TENM2: variants seen among roughly 807,000 people sequenced by gnomAD.
TENM2 encodes teneurin transmembrane protein 2, also known as teneurin-2.
A neutral mutation model predicts 245.2 loss-of-function variants in TENM2; 52 were observed. The ratio of observed to expected loss-of-function variants is 0.21; its 90% CI spans 0.17 to 0.27. TENM2 has a LOEUF of 0.27. Ranked by LOEUF, TENM2 falls within the 10% of genes least tolerant of loss-of-function variation. The pLI is 1.00. For synonymous variants in TENM2, 1,363 were observed against 1,438.9 expected, an observed-to-expected ratio of 0.95 and a Z score of 1.19; for missense variants, 3,046 against 3,666.8, an observed-to-expected ratio of 0.83 and a Z score of 4.37.
the TENM2 span, among the ~76,000 whole-genome samples, chr5:167,214,132 A>G: frequency 6.6e-6 from 1 of 152,222 alleles, no homozygotes; most frequent in Non-Finnish European, 1.5e-5. Context: ...GAGTTGGGCA[A>G]AGCTGTGGTT....
intron 3 of TENM2, among the ~76,000 whole-genome samples, chr5:167,932,190 T>G (rs1778343773): frequency 6.6e-6 from 1 of 152,142 alleles, no homozygotes; most frequent in African/African-American, 2.4e-5. Flanking sequence ...AATTCCATCG[T>G]GAAGGTCTCA....
the TENM2 span, among the ~76,000 whole-genome samples, chr5:167,085,908 C>T: frequency 2.0e-5 from 3 of 152,242 alleles, no homozygotes; most frequent in South Asian, 2.1e-4. Flanking sequence ...GTGCTCACGG[C>T]GATCACTACT....
rs557432541 is a variant in TENM2, at chr5:167,434,067, CCTA to C, written c.502+58599_502+58601del. 2.8e-3 allele frequency among the ~76,000 whole-genome samples: 422 copies of C among 152,088 alleles called. 1 individual carries two copies. The highest frequency in any genetic ancestry group is 9.7e-3 in the African/African-American group (402 of 41,496). ...AATAAACAGCTTACATTTCAGATAT[CCTA>C]CTACATCTTAATATAACTCTTATTA... On this transcript the variant is annotated intron_variant, in intron 2 of 28. Transcript: ENST00000518659.
At chr5:167,590,027 G>A (rs1251146790) in intron 2 of TENM2, among the ~76,000 whole-genome samples, 2 of 151,542 alleles carry the variant, frequency 1.3e-5, no homozygotes, top group Non-Finnish European at 3.0e-5. Context: ...TAATTACTTT[G>A]TTTGATTTAT....
intron 2 of TENM2, among the ~76,000 whole-genome samples, chr5:167,806,835 A>G (rs917779924): frequency 1.3e-5 from 2 of 152,048 alleles, no homozygotes; most frequent in African/African-American, 2.4e-5. Flanking sequence ...AAAGTTCCCA[A>G]AACAAAGTTC....
the TENM2 span, among the ~76,000 whole-genome samples, chr5:167,197,905 A>T: frequency 6.6e-6 from 1 of 151,980 alleles, no homozygotes; most frequent in Admixed American, 6.6e-5. Flanking sequence ...GTATATATAC[A>T]CATATAGAGA....
chr5:167,666,028 G>A (rs563507777), intron 2 of TENM2, among the ~76,000 whole-genome samples: 2 of 152,294 alleles, frequency 1.3e-5, no homozygotes, highest in Admixed American at 6.5e-5. Flanking sequence ...TAGACCAGAG[G>A]CAGAGGTATT....
chr5:167,159,841 C>T, the TENM2 span, among the ~76,000 whole-genome samples: 1 of 152,184 alleles, frequency 6.6e-6, no homozygotes. Flanking sequence ...GTGGTGCCCG[C>T]TCCCACTTGT....
At chr5:167,889,729 T>C (rs762654615) in intron 3 of TENM2, among the ~76,000 whole-genome samples, 13 of 152,162 alleles carry the variant, frequency 8.5e-5, no homozygotes, top group Non-Finnish European at 1.8e-4. Flanking sequence ...TTCAAGCAAT[T>C]TGCTTTTAAA....
At chr5:167,920,941 T>A (rs928424860) in intron 3 of TENM2, among the ~76,000 whole-genome samples, 1 of 152,160 alleles carries the variant, frequency 6.6e-6, no homozygotes, top group Non-Finnish European at 1.5e-5. Flanking sequence ...TAGGTTATTA[T>A]CCTCTCTCAC....
At chr5:167,272,305 G>A in the TENM2 span, among the ~76,000 whole-genome samples, 4 of 152,084 alleles carry the variant, frequency 2.6e-5, no homozygotes. Flanking sequence ...TCTGCTTTTG[G>A]GAAACAGGCA....
intron 25 of TENM2, among the ~76,000 whole-genome samples, chr5:168,233,850 C>CAAA (rs1384530094): frequency 2.0e-5 from 3 of 152,280 alleles, no homozygotes; most frequent in African/African-American, 2.4e-5. Context: ...GAGGAAGAAG[C>CAAA]AAAAGCGGAA....
intron 2 of TENM2, among the ~76,000 whole-genome samples, chr5:167,471,250 T>C (rs1767010063): frequency 1.3e-5 from 2 of 152,160 alleles, no homozygotes; most frequent in African/African-American, 4.8e-5. Flanking sequence ...CTAAGGTCCT[T>C]ATGAGTTAGA....
intron 2 of TENM2, among the ~76,000 whole-genome samples, chr5:167,695,827 G>A (rs1372303619): frequency 6.6e-6 from 1 of 151,628 alleles, no homozygotes; most frequent in African/African-American, 2.4e-5. Flanking sequence ...GAGGTCAGGA[G>A]ATCGAGACCA....
chr5:167,746,708 A>AGAGAGAGAGAGAGC (rs1561732804), intron 2 of TENM2, among the ~76,000 whole-genome samples: 4 of 149,798 alleles, frequency 2.7e-5, no homozygotes, highest in African/African-American at 1.0e-4. Context: ...AGAGAGAGAG[A>AGAGAGAGAGAGAGC]GAGAGAGCTG....
chr5:167,145,937 C>G, the TENM2 span, among the ~76,000 whole-genome samples: 2 of 152,198 alleles, frequency 1.3e-5, no homozygotes, highest in East Asian at 1.9e-4. Flanking sequence ...CATTATTGCT[C>G]TCATTATTAT....
chr5:167,742,621 A>G (rs1221757309), intron 2 of TENM2, among the ~76,000 whole-genome samples: 2 of 152,130 alleles, frequency 1.3e-5, no homozygotes, highest in Admixed American at 1.3e-4. Flanking sequence ...TTGGGCTAAA[A>G]GAACTCATGT....
intron 2 of TENM2, among the ~76,000 whole-genome samples, chr5:167,507,935 C>T (rs1389234719): frequency 1.3e-5 from 2 of 151,830 alleles, no homozygotes; most frequent in African/African-American, 4.8e-5. Flanking sequence ...CACTATGGGA[C>T]TCTGACAGTT....
At chr5:167,679,949 T>C (rs1179043427) in intron 2 of TENM2, among the ~76,000 whole-genome samples, 2 of 152,160 alleles carry the variant, frequency 1.3e-5, no homozygotes, top group African/African-American at 4.8e-5. Flanking sequence ...CCTTTATTTT[T>C]AAGTGAACAC....
Sources: allele counts gnomAD v4.1 joint callset (sites outside exome capture counted in the v4.1 genomes callset), GRCh38; gene constraint gnomAD v4.1.1; transcripts MANE v1.5; gene names NCBI Gene and HGNC (gene_info 2026-07-23, HGNC 2026-07-21).